CLEC2L: variants seen among roughly 807,000 people sequenced by gnomAD.
CLEC2L encodes the protein C-type lectin domain family 2 member L.
Under a neutral mutation model 23.6 loss-of-function variants are expected in CLEC2L, and 14 were observed. The ratio of observed to expected loss-of-function variants is 0.59; its 90% confidence interval spans 0.39 to 0.93. The LOEUF is 0.93. Ranked by LOEUF, CLEC2L falls within the 40% of genes least tolerant of loss-of-function variation. The pLI, the probability that CLEC2L is intolerant of heterozygous loss-of-function variation, is 0.00. For missense variants in CLEC2L, 264 were observed against 282.4 expected (o/e 0.93, Z 0.47); for synonymous variants, 114 against 121.3 (o/e 0.94, Z 0.40).
intron 1 of CLEC2L, among the ~76,000 whole-genome samples, chr7:139,527,323 T>A (rs1451415641): frequency 1.3e-5 from 2 of 152,108 alleles, no homozygotes; most frequent in African/African-American, 2.4e-5. Flanking sequence ...CTGGGGATCA[T>A]CAAATTCCCA....
In CLEC2L at chr7:139,536,344, C is replaced by T; in HGVS notation, c.261C>T (p.Ile87=). The T allele has an allele frequency of 6.4e-7, 1 of 1,551,302 alleles. No individual in the cohort carries two copies. Among genetic ancestry groups the T allele is most frequent in the Non-Finnish European group, 8.7e-7 (1 of 1,146,722 alleles). Residue 87 remains isoleucine (I), a synonymous_variant, in exon 2 of 5, where the codon ATC becomes ATT. Transcript: ENST00000422142. The part of the protein sequence containing the change: ...LLFAILVVMS[I]LASKGCIKCE... Reference sequence around the variant, plus strand: ...TCGCCATCTTGGTGGTGATGAGCATCTTGGGTGAGCATGCGTGTCAGAGCA... The same window carrying T: ...TCGCCATCTTGGTGGTGATGAGCATTTTGGGTGAGCATGCGTGTCAGAGCA...
intron 1 of CLEC2L, among the ~76,000 whole-genome samples, chr7:139,530,185 A>G (rs1403533743): frequency 6.6e-6 from 1 of 151,384 alleles, no homozygotes; most frequent in Non-Finnish European, 1.5e-5. Context: ...CTCTGTGTCA[A>G]AAAAAAAACC....
intron 1 of CLEC2L, among the ~76,000 whole-genome samples, chr7:139,529,050 C>T (rs1434704287): frequency 6.6e-6 from 1 of 152,198 alleles, no homozygotes; most frequent in Non-Finnish European, 1.5e-5. Flanking sequence ...AGTGGGTGCT[C>T]TGTAACATGC....
At chr7:139,527,133 C>T (rs1797517440) in intron 1 of CLEC2L, among the ~76,000 whole-genome samples, 1 of 152,228 alleles carries the variant, frequency 6.6e-6, no homozygotes, top group Admixed American at 6.5e-5. Context: ...TCATCTCAGT[C>T]CTCACCTCTC....
Position 139,542,120 on chromosome 7 carries a change from A to G in CLEC2L, c.532A>G (p.Thr178Ala). ...CAACGGGGACCCGTTTGATCCGGAC[A>G]CGTGAGCTGAGGCTTCATCTTCTGG... ...WVNGDPFDPD[T>A]FTIAGPGECV... Residue 178 changes from threonine to alanine, a missense_variant and splice_region_variant, in exon 4 of 5, where the codon ACG becomes GCG. By Grantham distance (58) the Thr-to-Ala change is moderately conservative. Transcript: ENST00000422142. 6.2e-7 allele frequency: 1 copy of G among 1,604,310 alleles called. No homozygotes were observed.
chr7:139,538,772 AAAC>A lies in CLEC2L; in HGVS notation c.266-1546_266-1544del, dbSNP rs747654199. 0.024 allele frequency among the ~76,000 whole-genome samples: 66 copies of A among 2,780 alleles called. 1 individual carries two copies. In the East Asian group the frequency reaches 0.25, roughly 11 times the overall value. The allele number at this position is 2,780 out of a possible 152,430, so 1.8% of individuals were successfully genotyped here. ...TCAAAAAAACAAAACAAAACAAAAC[AAAC>A]AAACAAACAAACAAAAAAGGCAACC... On this transcript the variant is annotated intron_variant, in intron 2 of 4. Transcript: ENST00000422142.
Position 139,540,123 on chromosome 7 carries a change from C to T in CLEC2L, c.266-198C>T. On this transcript the variant is annotated intron_variant, in intron 2 of 4. Coordinates refer to ENST00000422142, the MANE Select transcript of CLEC2L (RefSeq NM_001080511.4). The surrounding 1 kb of genome is among the most constrained non-coding windows in gnomAD (Gnocchi z 5.8). ...GCTGTCACTTCCCGTCGTGATGATG[C>T]CCCTGCCAGGCTTCCCACAGTCCCC... 1.7e-6 allele frequency: 1 copy of T among 575,128 alleles called. No individual in the cohort carries two copies. The highest frequency in any genetic ancestry group is 3.1e-6 in the Non-Finnish European group (1 of 325,642). The allele number at this position is 575,128 out of a possible 1,614,324, so 35.6% of individuals were successfully genotyped here.
At chr7:139,531,712 C>T (rs1435715264) in intron 1 of CLEC2L, among the ~76,000 whole-genome samples, 1 of 152,040 alleles carries the variant, frequency 6.6e-6, no homozygotes, top group Non-Finnish European at 1.5e-5. Context: ...AGTTCAAGAC[C>T]ATCCTGGCCA....
chr7:139,539,286 A>G lies in CLEC2L; in HGVS notation c.266-1035A>G, dbSNP rs1478980089. 1 of 152,234 alleles carries G rather than the reference A, an allele frequency of 6.6e-6. No homozygotes were observed. The highest frequency in any genetic ancestry group is 1.5e-5 in the Non-Finnish European group (1 of 68,052). The allele number at this position is 152,234 out of a possible 1,614,324, so 9.4% of individuals were successfully genotyped here. A position where few individuals can be genotyped will look rare whatever the true frequency, so the allele number is the denominator to read the frequency against. On this transcript the variant is annotated intron_variant, in intron 2 of 4. Coordinates refer to ENST00000422142, the MANE Select transcript of CLEC2L (RefSeq NM_001080511.4). This position sits in a 1 kb window ranked among gnomAD's most constrained non-coding sequence, Gnocchi z 4.1. ...ATGATGAGCCAAAGTGAATGACATA[A>G]ATGTGGAAGAAATAAATATAAGGTT...
chr7:139,527,396 C>T (rs1797520633), intron 1 of CLEC2L, among the ~76,000 whole-genome samples: 1 of 152,198 alleles, frequency 6.6e-6, no homozygotes, highest in South Asian at 2.1e-4. Context: ...TGACGTTTCC[C>T]TCCTTATGGG....
chr7:139,523,951 C>CA lies in CLEC2L; in HGVS notation c.24_25insA (p.Ser9IlefsTer29). 1.0e-6 allele frequency: 1 copy of CA among 973,616 alleles called. No homozygotes were observed. Among genetic ancestry groups the CA allele is most frequent in the South Asian group, 4.7e-5 (1 of 21,492 alleles). The allele number at this position is 973,616 out of a possible 1,614,324, so 60.3% of individuals were successfully genotyped here. A position where few individuals can be genotyped will look rare whatever the true frequency, so the allele number is the denominator to read the frequency against. On this transcript the variant is annotated frameshift_variant, in exon 1 of 5. Transcript: ENST00000422142. LOFTEE classifies it high-confidence loss of function. The surrounding 1 kb of genome is among the most constrained non-coding windows in gnomAD (Gnocchi z 4.1). ...GCATGGAGCCGGCCCGGGAGCCCCC[C>CA]TCGCGGGCCCGGCCGCCGCCGCCCC...
At chr7:139,535,043 A>G (rs997841828) in intron 1 of CLEC2L, among the ~76,000 whole-genome samples, 2 of 152,216 alleles carry the variant, frequency 1.3e-5, no homozygotes, top group African/African-American at 2.4e-5. Context: ...TATACCCAAA[A>G]GAATTGAAAG....
At chr7:139,526,036 C>A (rs1797501345) in intron 1 of CLEC2L, among the ~76,000 whole-genome samples, 1 of 152,220 alleles carries the variant, frequency 6.6e-6, no homozygotes, top group African/African-American at 2.4e-5. Flanking sequence ...TTCCCCTGGT[C>A]TCCCCAGGAG....
intron 4 of CLEC2L, among the ~76,000 whole-genome samples, chr7:139,542,732 A>T (rs1347789012): frequency 6.6e-6 from 1 of 151,872 alleles, no homozygotes; most frequent in African/African-American, 2.4e-5. Context: ...GTTTTGTAAG[A>T]CTCAAGTGGA....
Position 139,535,539 on chromosome 7 carries a change from C to A in CLEC2L, c.191-735C>A, listed in dbSNP as rs78529845. Among the ~76,000 whole-genome samples, 15 of 152,260 alleles carry A rather than the reference C, an allele frequency of 9.9e-5. No homozygotes were observed. In the East Asian group the frequency reaches 2.9e-3, roughly 29 times the overall value. ...CAAATTTTATGTTATATATTTTCAT[C>A]ACAATTTTTAAAATCCTTAAAATAC... On this transcript the variant is annotated intron_variant, in intron 1 of 4. Coordinates refer to ENST00000422142, the MANE Select transcript of CLEC2L (RefSeq NM_001080511.4).
intron 1 of CLEC2L, among the ~76,000 whole-genome samples, chr7:139,535,811 C>T (rs775601884): frequency 2.6e-5 from 4 of 152,098 alleles, no homozygotes; most frequent in African/African-American, 4.8e-5. Flanking sequence ...GGAACCCATG[C>T]GGCTGAAACC....
chr7:139,529,431 C>T (rs1424592716), intron 1 of CLEC2L, among the ~76,000 whole-genome samples: 1 of 152,186 alleles, frequency 6.6e-6, no homozygotes, highest in Non-Finnish European at 1.5e-5. Flanking sequence ...ATCTTCAGTG[C>T]ACAAAGGATT....
chr7:139,544,593 C>T lies in CLEC2L; in HGVS notation c.*251C>T. The T allele has an allele frequency of 1.9e-6, 1 of 537,802 alleles. No individual in the cohort carries two copies. The highest frequency in any genetic ancestry group is 3.4e-6 in the Non-Finnish European group (1 of 297,820). 33.3% of individuals were successfully genotyped at this position (537,802 alleles called of 1,614,324 possible). A position where few individuals can be genotyped will look rare whatever the true frequency, so the allele number is the denominator to read the frequency against. Reference sequence around the variant, plus strand: ...CTAGGTAGTGTAGGCATCTGCCCACCTACACACACACACATGCATAGGTAC... The same window carrying T: ...CTAGGTAGTGTAGGCATCTGCCCACTTACACACACACACATGCATAGGTAC... On this transcript the variant is annotated 3_prime_UTR_variant, in exon 5 of 5. Coordinates refer to ENST00000422142, the MANE Select transcript of CLEC2L (RefSeq NM_001080511.4).
intron 1 of CLEC2L, among the ~76,000 whole-genome samples, chr7:139,532,699 A>G (rs1388791701): frequency 6.6e-6 from 1 of 152,176 alleles, no homozygotes; most frequent in Non-Finnish European, 1.5e-5. Flanking sequence ...GGACCCTTAT[A>G]AGAAAAGGAA....
Sources: allele counts gnomAD v4.1 joint callset (sites outside exome capture counted in the v4.1 genomes callset), GRCh38; gene constraint gnomAD v4.1.1; non-coding constraint Gnocchi (gnomAD v3.1); transcripts MANE v1.5; gene names NCBI Gene and HGNC (gene_info 2026-07-23, HGNC 2026-07-21).